BICD1: variants seen among roughly 807,000 people sequenced by gnomAD.
The protein encoded by BICD1 is protein bicaudal D homolog 1.
A neutral mutation model predicts 92.5 loss-of-function variants in BICD1; 35 were observed. That is an observed-to-expected ratio of 0.38 (90% CI 0.29 to 0.50). The LOEUF (loss-of-function observed/expected upper bound fraction) is 0.50, where lower values mean the gene tolerates loss of function less well. BICD1 is among the 20% of genes least tolerant of loss of function. The pLI is 0.93. For missense variants in BICD1, 950 were observed against 1,189.8 expected, an observed-to-expected ratio of 0.80 and a Z score of 2.97; for synonymous variants, 429 against 465.1, an observed-to-expected ratio of 0.92 and a Z score of 1.00.
intron 8 of BICD1, among the ~76,000 whole-genome samples, chr12:32,363,686 A>G (rs1939417201): frequency 6.6e-6 from 1 of 152,318 alleles, no homozygotes; most frequent in Admixed American, 6.5e-5. Context: ...ATGTTTGATT[A>G]GTTAGATTCA....
At chr12:32,295,082 G>GAA (rs10647988) in intron 3 of BICD1, among the ~76,000 whole-genome samples, 21,868 of 102,690 alleles carry the variant, frequency 0.21, 2,455 homozygotes, top group African/African-American at 0.34. Context: ...ATTCCGTCTC[G>GAA]AAAAAAAAAA....
At chr12:32,275,994 C>T (rs141906190) in intron 2 of BICD1, among the ~76,000 whole-genome samples, 1,530 of 152,206 alleles carry the variant, frequency 0.01, 18 homozygotes, top group African/African-American at 0.032. Flanking sequence ...CCGCCCACCA[C>T]CATCTTGGAA....
intron 4 of BICD1, among the ~76,000 whole-genome samples, chr12:32,326,602 A>G (rs1389789852): frequency 6.6e-6 from 1 of 152,178 alleles, no homozygotes; most frequent in Non-Finnish European, 1.5e-5. Context: ...GAAACCATCA[A>G]AGCTGGGCGT....
intron 4 of BICD1, among the ~76,000 whole-genome samples, chr12:32,316,877 C>G (rs1167037985): frequency 6.6e-6 from 1 of 152,068 alleles, no homozygotes. Context: ...CACAACAGTC[C>G]CCGGTGTGTG....
chr12:32,162,090 G>A (rs532159049), intron 1 of BICD1, among the ~76,000 whole-genome samples: 59 of 152,306 alleles, frequency 3.9e-4, no homozygotes, highest in African/African-American at 1.4e-3. Flanking sequence ...GAAGGGAAGT[G>A]CCTTCGTGAG....
chr12:32,228,882 C>T (rs1361348581), intron 2 of BICD1, among the ~76,000 whole-genome samples: 2 of 152,100 alleles, frequency 1.3e-5, no homozygotes, highest in Non-Finnish European at 2.9e-5. Context: ...TAGAGGTCCA[C>T]CTGTGGATGT....
intron 2 of BICD1, among the ~76,000 whole-genome samples, chr12:32,269,596 A>G (rs1205978638): frequency 1.3e-5 from 2 of 152,242 alleles, no homozygotes; most frequent in Non-Finnish European, 2.9e-5. Flanking sequence ...TAAATATTTA[A>G]GGAATCATTG....
intron 9 of BICD1, among the ~76,000 whole-genome samples, chr12:32,375,254 C>A (rs113056557): frequency 0.023 from 3,542 of 151,994 alleles, 136 homozygotes; most frequent in African/African-American, 0.08. Flanking sequence ...TGAGGCCGGG[C>A]ACGGTGGCTC....
In BICD1 at chr12:32,201,224, C is replaced by T. The variant is rs372256636; in HGVS notation, c.214-15023C>T. ...CTGAGCTTCCAGCTAGAATAATTTC[C>T]TCTGACATACTCTGATCTAGGAGGA... On this transcript the variant is annotated intron_variant, in intron 1 of 9. Coordinates refer to ENST00000652176, the MANE Select transcript of BICD1 (RefSeq NM_001714.4). 5.3e-5 allele frequency among the ~76,000 whole-genome samples: 8 copies of T among 152,286 alleles called. No individual in the cohort carries two copies. The South Asian group carries it at 8.3e-4, about 16-fold the overall frequency.
At chr12:32,194,228 A>G (rs1393899773) in intron 1 of BICD1, among the ~76,000 whole-genome samples, 2 of 152,208 alleles carry the variant, frequency 1.3e-5, no homozygotes, top group African/African-American at 4.8e-5. Context: ...ATATATGACA[A>G]GCTCACAACT....
chr12:32,319,449 T>C (rs1300704351), intron 4 of BICD1, among the ~76,000 whole-genome samples: 1 of 152,236 alleles, frequency 6.6e-6, no homozygotes, highest in African/African-American at 2.4e-5. Flanking sequence ...CATTTGGTTA[T>C]GTTGCTGGAT....
intron 1 of BICD1, among the ~76,000 whole-genome samples, chr12:32,150,129 A>G (rs1032276139): frequency 1.3e-5 from 2 of 152,126 alleles, no homozygotes; most frequent in Non-Finnish European, 2.9e-5. Context: ...CATGGGAAAG[A>G]CCTGTCCCCA....
chr12:32,270,645 A>T (rs1014921810), intron 2 of BICD1, among the ~76,000 whole-genome samples: 1 of 152,222 alleles, frequency 6.6e-6, no homozygotes, highest in African/African-American at 2.4e-5. Flanking sequence ...AAGATTTTTT[A>T]AAAAGTGAAA....
chr12:32,128,282 TTCTAA>T (rs1393498996), intron 1 of BICD1, among the ~76,000 whole-genome samples: 1 of 152,218 alleles, frequency 6.6e-6, no homozygotes, highest in East Asian at 1.9e-4. Context: ...AAGGTACAAG[TTCTAA>T]TCTAACAGTT....
At position 32,328,238 on chromosome 12, in the gene BICD1, A is replaced by G. The variant is rs772445426; in HGVS notation, c.1783A>G (p.Thr595Ala). The G allele has an allele frequency of 7.4e-6, 12 of 1,614,092 alleles. No individual in the cohort carries two copies. Among genetic ancestry groups the G allele is most frequent in the Non-Finnish European group, 9.3e-6 (11 of 1,180,044 alleles). Residue 595 changes from threonine to alanine, a missense_variant, in exon 5 of 10, where the codon ACT becomes GCT. Thr to Ala is a moderately conservative substitution (Grantham distance 58, BLOSUM62 0). Transcript: ENST00000652176. This position sits in a 1 kb window ranked among gnomAD's most constrained non-coding sequence, Gnocchi z 4.4. ...AGAGGCCAGCAAAGAACCAAGTCCA[A>G]CTAAGACCCCCACAATCTCTCCTGT... ...STEASKEPSP[T>A]KTPTISPVIT...
At chr12:32,255,647 C>A (rs1946696838) in intron 2 of BICD1, among the ~76,000 whole-genome samples, 1 of 152,234 alleles carries the variant, frequency 6.6e-6, no homozygotes, top group Non-Finnish European at 1.5e-5. Flanking sequence ...ACTGCTCCAG[C>A]CACACTGGCC....
In BICD1 at chr12:32,155,378, C is replaced by T. The variant is rs566738928; in HGVS notation, c.213+47834C>T. On this transcript the variant is annotated intron_variant, in intron 1 of 9. Coordinates refer to ENST00000652176, the MANE Select transcript of BICD1 (RefSeq NM_001714.4). ...ATGCAAAAAGGAGAATTTCAGCTGT[C>T]CAGCTATGGAGATTCAAATTGAACC... 1.2e-4 allele frequency among the ~76,000 whole-genome samples: 19 copies of T among 152,250 alleles called. No homozygotes were observed. In the South Asian group the frequency reaches 3.9e-3, roughly 32 times the overall value.
Position 32,236,609 on chromosome 12 carries a change from T to C in BICD1, c.426+20150T>C, listed in dbSNP as rs191736772. ...AGGAGGAGTTGCACATCTCTCACTT[T>C]AAATCAAAACATAGAAATGATTATG... is the stretch of plus-strand genomic sequence containing the variant. On this transcript the variant is annotated intron_variant, in intron 2 of 9. Coordinates refer to ENST00000652176, the MANE Select transcript of BICD1 (RefSeq NM_001714.4). Among the ~76,000 whole-genome samples, 697 of 151,310 alleles carry C rather than the reference T, an allele frequency of 4.6e-3. 4 individuals carry two copies. Among genetic ancestry groups the C allele is most frequent in the African/African-American group, 0.016 (669 of 41,464 alleles).
intron 4 of BICD1, among the ~76,000 whole-genome samples, chr12:32,311,157 G>T (rs1376896426): frequency 6.6e-6 from 1 of 152,162 alleles, no homozygotes; most frequent in Non-Finnish European, 1.5e-5. Flanking sequence ...GTACAGCTTG[G>T]TTTTATATAT....
Sources: gnomAD v4.1 joint callset for allele counts (sites outside exome capture counted in the v4.1 genomes callset) on GRCh38, gnomAD v4.1.1 for gene constraint, Gnocchi (gnomAD v3.1) non-coding constraint, MANE v1.5 for transcripts, NCBI Gene and HGNC (gene_info 2026-07-23, HGNC 2026-07-21) for gene names.